Variants in ATG16L1 observed in about 807,000 individuals in gnomAD.
ATG16L1 encodes the protein autophagy-related protein 16-1.
ATG16L1 carries 37 observed loss-of-function variants against 88.5 expected under a neutral mutation model. The ratio of observed to expected loss-of-function variants is 0.42; its 90% CI spans 0.32 to 0.55. The LOEUF (loss-of-function observed/expected upper bound fraction) is 0.55, where lower values mean the gene tolerates loss of function less well. Among genes scored for constraint, ATG16L1 ranks in the 20% least tolerant of loss-of-function variants. The pLI, the probability that ATG16L1 is intolerant of heterozygous loss-of-function variation, is 0.13. For missense variants in ATG16L1, 554 were observed against 752.8 expected (o/e 0.74, Z 3.09); for synonymous variants, 301 against 281.0 (o/e 1.07, Z -0.71).
chr2:233,252,037 C>T, intron 1 of ATG16L1, 95 bp downstream of exon 1: 2 of 1,113,342 alleles, frequency 1.8e-6, no homozygotes, highest in Non-Finnish European at 2.4e-6. Flanking sequence ...TCCCTGGCGC[C>T]GCCCGCACGC....
In ATG16L1 at chr2:233,256,377, A is replaced by G. The variant is rs573380946; in HGVS notation, c.209+182A>G. 1.2e-3 allele frequency among the ~76,000 whole-genome samples: 185 copies of G among 152,362 alleles called. 3 individuals are homozygous for G. In the South Asian group the frequency reaches 0.037, roughly 30 times the overall value. On this transcript the variant is annotated intron_variant, in intron 2 of 17. Coordinates refer to ENST00000392017, the MANE Select transcript of ATG16L1 (RefSeq NM_030803.7). The stretch of plus-strand genomic sequence containing the variant: ...AATTGTTTTTTAGAAGGTATGTCAT[A>G]CCTAGAAAGGTTATTATCAGTACAG...
chr2:233,284,891 A>C (rs994079326), intron 12 of ATG16L1, among the ~76,000 whole-genome samples: 1 of 152,246 alleles, frequency 6.6e-6, no homozygotes, highest in Non-Finnish European at 1.5e-5. Flanking sequence ...ATGCTAGCCA[A>C]TACCTCAGGG....
At position 233,290,301 on chromosome 2, in the gene ATG16L1, C is replaced by G; in HGVS notation, c.1378C>G (p.Gln460Glu). 6.2e-7 allele frequency: 1 copy of G among 1,614,174 alleles called. No homozygotes were observed. Among genetic ancestry groups the G allele is most frequent in the Non-Finnish European group, 8.5e-7 (1 of 1,180,030 alleles). ...SSCNDIVCTE[Q>E]CVMSGHFDKK... is the part of the protein sequence containing the mutation. ...TTGCAATGATATTGTCTGCACAGAGCAATGTGTAATGAGTGGACATTTTGA... is the reference window on the plus strand; with the variant it reads ...TTGCAATGATATTGTCTGCACAGAGGAATGTGTAATGAGTGGACATTTTGA... Residue 460 changes from glutamine (Q) to glutamate (E), a missense_variant, in exon 14 of 18, where the codon CAA (glutamine) becomes GAA (glutamate). Gln to Glu is a conservative substitution (Grantham distance 29, BLOSUM62 2). Coordinates refer to ENST00000392017, the MANE Select transcript of ATG16L1 (RefSeq NM_030803.7).
chr2:233,289,859 A>G lies in ATG16L1; in HGVS notation c.1209A>G (p.Thr403=), dbSNP rs746086369. 1 of 1,614,070 alleles carries G rather than the reference A, an allele frequency of 6.2e-7. No homozygotes were observed. Among genetic ancestry groups the G allele is most frequent in the South Asian group, 1.1e-5 (1 of 91,076 alleles). The change falls in exon 13 of 18, where the codon ACA becomes ACG. Residue 403 remains threonine, a synonymous_variant. Transcript: ENST00000392017. ...GGCTGTGTTCTCTCTCCTAGCACACACTCACGGGACACAGTGGGAAAGTGC... is the reference window on the plus strand; with the variant it reads ...GGCTGTGTTCTCTCTCCTAGCACACGCTCACGGGACACAGTGGGAAAGTGC... ...WTVDDYRLRH[T]LTGHSGKVLS...
Position 233,251,686 on chromosome 2 carries a change from T to A in ATG16L1, c.-142T>A. 1.4e-6 allele frequency: 1 copy of A among 693,744 alleles called. No individual in the cohort carries two copies. The highest frequency in any genetic ancestry group is 2.5e-6 in the Non-Finnish European group (1 of 407,050). The allele number at this position is 693,744 out of a possible 1,614,324, so 43.0% of individuals were successfully genotyped here. On this transcript the variant is annotated 5_prime_UTR_variant, in exon 1 of 18. The change abolishes an upstream ATG in the 5' untranslated region. Coordinates refer to ENST00000392017, the MANE Select transcript of ATG16L1 (RefSeq NM_030803.7). ...GCATGAGCCGGAAGACCGTCCCGGATGGCCTCGGGGACTGCCAGTGTGTGG... is the reference window on the plus strand; with the variant it reads ...GCATGAGCCGGAAGACCGTCCCGGAAGGCCTCGGGGACTGCCAGTGTGTGG...
Position 233,269,371 on chromosome 2 carries a change from A to T in ATG16L1, c.642-631A>T, listed in dbSNP as rs147288690. 2.6e-3 allele frequency among the ~76,000 whole-genome samples: 403 copies of T among 152,270 alleles called. 6 individuals carry two copies. Among genetic ancestry groups the T allele is most frequent in the Non-Finnish European group, 1.4e-3 (98 of 68,016 alleles). Reference sequence around the variant, plus strand: ...TAGTAATCAGGCTGTGGGTGTGTTAATGCAGGTTGAGCATCCCATATCCCA... The same window carrying T: ...TAGTAATCAGGCTGTGGGTGTGTTATTGCAGGTTGAGCATCCCATATCCCA... On this transcript the variant is annotated intron_variant, in intron 5 of 17. Transcript: ENST00000392017.
intron 2 of ATG16L1, among the ~76,000 whole-genome samples, chr2:233,256,898 C>T (rs1279989605): frequency 2.0e-5 from 3 of 151,990 alleles, no homozygotes; most frequent in Non-Finnish European, 2.9e-5. Flanking sequence ...GGCAGGGTTT[C>T]ACCATGTTGG....
At chr2:233,276,639 A>AT (rs1698392669) in intron 9 of ATG16L1, among the ~76,000 whole-genome samples, 1 of 152,010 alleles carries the variant, frequency 6.6e-6, no homozygotes, top group South Asian at 2.1e-4. Flanking sequence ...CACCTGGCTA[A>AT]TTTTTGTTTT....
At position 233,251,703 on chromosome 2, in the gene ATG16L1, A is replaced by T; in HGVS notation, c.-125A>T. 1.2e-6 allele frequency: 1 copy of T among 819,522 alleles called. No individual in the cohort carries two copies. The highest frequency in any genetic ancestry group is 2.0e-6 in the Non-Finnish European group (1 of 504,574). The allele number at this position is 819,522 out of a possible 1,614,324, so 50.8% of individuals were successfully genotyped here. ...GTCCCGGATGGCCTCGGGGACTGCC[A>T]GTGTGTGGAGGTGAGCTCCGGGATT... On this transcript the variant is annotated 5_prime_UTR_variant, in exon 1 of 18. Transcript: ENST00000392017.
chr2:233,289,578 A>G (rs926286600), intron 12 of ATG16L1, among the ~76,000 whole-genome samples: 1 of 151,998 alleles, frequency 6.6e-6, no homozygotes, highest in Non-Finnish European at 1.5e-5. Context: ...TTTTGTAGAG[A>G]TGGGGGTTTC....
At chr2:233,293,524 C>A (rs1241370912) in intron 17 of ATG16L1, among the ~76,000 whole-genome samples, 167 bp downstream of exon 17, 5 of 152,170 alleles carry the variant, frequency 3.3e-5, no homozygotes, top group East Asian at 1.9e-4. Context: ...GCCACTCACA[C>A]AGCACAGCAG....
At chr2:233,273,798 T>C in intron 8 of ATG16L1, 21 bp downstream of exon 8, 1 of 1,609,152 alleles carries the variant, frequency 6.2e-7, no homozygotes, top group Non-Finnish European at 8.5e-7. Flanking sequence ...AGACCTTTCC[T>C]TTTTAAATGT....
intron 12 of ATG16L1, among the ~76,000 whole-genome samples, chr2:233,286,311 T>G (rs13005285): frequency 0.56 from 84,908 of 152,026 alleles, 24,870 homozygotes; most frequent in Non-Finnish European, 0.67. Context: ...AGAGAAATCT[T>G]GAAGCCTCCC....
chr2:233,291,613 GAGA>G (rs1699466985), intron 14 of ATG16L1, among the ~76,000 whole-genome samples: 1 of 152,156 alleles, frequency 6.6e-6, no homozygotes, highest in African/African-American at 2.4e-5. Flanking sequence ...CCACAGCACA[GAGA>G]AGAAGAGGGA....
intron 6 of ATG16L1, among the ~76,000 whole-genome samples, chr2:233,270,495 A>T (rs1417874043): frequency 6.6e-6 from 1 of 152,196 alleles, no homozygotes; most frequent in African/African-American, 2.4e-5. Flanking sequence ...GTTTGTGTTC[A>T]TCAGCTGTGA....
Position 233,256,928 on chromosome 2 carries a change from T to C in ATG16L1, c.209+733T>C, listed in dbSNP as rs186077843. Among the ~76,000 whole-genome samples the C allele has an allele frequency of 1.4e-3, 212 of 152,248 alleles. 2 individuals are homozygous for C. Among genetic ancestry groups the C allele is most frequent in the African/African-American group, 4.9e-3 (203 of 41,544 alleles). The stretch of plus-strand genomic sequence containing the variant: ...TGTTGGCCAGGCTGGTCTCGAACTC[T>C]TGACCTCAAATGATCCACCTACCTC... On this transcript the variant is annotated intron_variant, in intron 2 of 17. Coordinates refer to ENST00000392017, the MANE Select transcript of ATG16L1 (RefSeq NM_030803.7).
chr2:233,288,227 A>C, intron 12 of ATG16L1, among the ~76,000 whole-genome samples: 1 of 152,134 alleles, frequency 6.6e-6, no homozygotes, highest in South Asian at 2.1e-4. Flanking sequence ...GCTAAAGTGG[A>C]GTTAACCCCA....
chr2:233,282,925 T>C (rs1698813085), intron 12 of ATG16L1, 172 bp downstream of exon 12: 2 of 582,576 alleles, frequency 3.4e-6, no homozygotes, highest in Non-Finnish European at 6.2e-6. Flanking sequence ...TTATACTCTT[T>C]GTCCAAAACT....
intron 16 of ATG16L1, among the ~76,000 whole-genome samples, chr2:233,292,717 C>T (rs1451123017): frequency 6.6e-6 from 1 of 152,212 alleles, no homozygotes; most frequent in Non-Finnish European, 1.5e-5. Flanking sequence ...CTCATTCACG[C>T]AAGAGCTGTT....
Sources: allele counts gnomAD v4.1 joint callset (sites outside exome capture counted in the v4.1 genomes callset), GRCh38; gene constraint gnomAD v4.1.1; transcripts MANE v1.5; gene names NCBI Gene and HGNC (gene_info 2026-07-23, HGNC 2026-07-21).